ARHGEF11: variants seen among roughly 807,000 people sequenced by gnomAD.
The protein encoded by ARHGEF11 is Rho guanine nucleotide exchange factor 11.
A neutral mutation model predicts 193.7 loss-of-function variants in ARHGEF11; 55 were observed. That is an observed-to-expected ratio of 0.28 (90% CI 0.23 to 0.36). The LOEUF is 0.36. Among genes scored for constraint, ARHGEF11 ranks in the 10% least tolerant of loss-of-function variants. ARHGEF11 has a pLI of 1.00. For synonymous variants in ARHGEF11, 693 were observed against 768.0 expected (o/e 0.90, Z 1.62); for missense variants, 1,723 against 2,005.6 (o/e 0.86, Z 2.69).
chr1:156,969,863 C>T, intron 9 of ARHGEF11, 135 bp downstream of exon 9: 1 of 860,312 alleles, frequency 1.2e-6, no homozygotes, highest in Non-Finnish European at 1.9e-6. Flanking sequence ...GTACTGCTTT[C>T]TCCCATTATT....
chr1:157,042,267 C>A (rs918180969), intron 1 of ARHGEF11, among the ~76,000 whole-genome samples: 1 of 152,060 alleles, frequency 6.6e-6, no homozygotes, highest in Admixed American at 6.5e-5. Context: ...CAAGACTGAA[C>A]CCCCAAGGTA....
intron 1 of ARHGEF11, among the ~76,000 whole-genome samples, chr1:157,013,762 TACATTTGGTCTCACC>T (rs1023363425): frequency 6.6e-6 from 1 of 152,202 alleles, no homozygotes; most frequent in Admixed American, 6.5e-5. Flanking sequence ...TTTCCTCTCA[TACATTTGGTCTCACC>T]ACATTTGCTC....
chr1:156,996,831 C>G (rs1666578234), intron 1 of ARHGEF11, among the ~76,000 whole-genome samples: 1 of 144,972 alleles, frequency 6.9e-6, no homozygotes, highest in African/African-American at 2.5e-5. Context: ...CACTTACTAG[C>G]TGGCTGAGCT....
chr1:156,974,732 C>T (rs1368159061), intron 7 of ARHGEF11, among the ~76,000 whole-genome samples: 2 of 152,188 alleles, frequency 1.3e-5, no homozygotes, highest in African/African-American at 2.4e-5. Flanking sequence ...CTGCATATTT[C>T]GGACACTCCA....
Position 156,955,733 on chromosome 1 carries a change from T to C in ARHGEF11, c.1738A>G (p.Ile580Val). ...DKKRNPILKY[I>V]GKPKSSSQST... is the part of the protein sequence containing the mutation. ...TGAGAAGAGCTTTTGGGCTTCCCAA[T>C]GTATTTGAGGATAGGGTTTCGCTTC... The change falls in exon 20 of 41, where the codon ATT (isoleucine) becomes GTT (valine). Residue 580 changes from isoleucine (I) to valine (V), a missense_variant. Ile to Val is a conservative substitution (Grantham distance 29). Coordinates refer to ENST00000368194, the MANE Select transcript of ARHGEF11 (RefSeq NM_198236.3). 1.2e-6 allele frequency: 2 copies of C among 1,614,172 alleles called. No individual in the cohort carries two copies. The highest frequency in any genetic ancestry group is 1.1e-5 in the South Asian group (1 of 91,080).
chr1:157,046,060 C>T (rs1324315145), upstream of ARHGEF11, among the ~76,000 whole-genome samples: 1 of 151,198 alleles, frequency 6.6e-6, no homozygotes, highest in Non-Finnish European at 1.5e-5. Context: ...GCGCGCCCTG[C>T]CCCCCACAAC....
At chr1:156,996,772 C>CAAAAAAAAAAA (rs66730438) in intron 1 of ARHGEF11, among the ~76,000 whole-genome samples, 3 of 38,642 alleles carry the variant, frequency 7.8e-5, no homozygotes, top group African/African-American at 2.3e-4. Flanking sequence ...GACTCTGTCT[C>CAAAAAAAAAAA]AAAAAAAAAA....
At chr1:156,966,462 T>A (rs1303257416) in intron 11 of ARHGEF11, among the ~76,000 whole-genome samples, 1 of 152,262 alleles carries the variant, frequency 6.6e-6, no homozygotes, top group Non-Finnish European at 1.5e-5. Flanking sequence ...TTAAAACAGA[T>A]GCTGCTCATG....
chr1:157,020,341 A>C lies in ARHGEF11; in HGVS notation c.32+23958T>G, dbSNP rs570555218. Among the ~76,000 whole-genome samples the C allele has an allele frequency of 2.6e-4, 39 of 152,302 alleles. 1 individual carries two copies. In the South Asian group the frequency reaches 8.1e-3, roughly 32 times the overall value. On this transcript the variant is annotated intron_variant, in intron 1 of 40. Coordinates refer to ENST00000368194, the MANE Select transcript of ARHGEF11 (RefSeq NM_198236.3). ...ATTAAAAGAAAAAACAGCATTAAGA[A>C]AAAAAATTATTCTGGGTCCATATTA...
intron 10 of ARHGEF11, 138 bp from the exon 11 acceptor site, chr1:156,968,262 T>A: frequency 1.1e-6 from 1 of 909,428 alleles, no homozygotes; most frequent in Non-Finnish European, 1.6e-6. Flanking sequence ...TGCCTGGTAT[T>A]ATACTAAGCC....
rs1658249800 is a variant in ARHGEF11 at position 156,946,961 on chromosome 1, T to G, written c.2543A>C (p.Glu848Ala). ...KLREEGPIIK[E>A]ISDLMLARFD... ...CCGGGCCAGCATGAGGTCACTGATC[T>G]CTTTGATGATGGGGCCTTCCTCCCG... Residue 848 changes from glutamate to alanine, a missense_variant, in exon 27 of 41, where the codon GAG becomes GCG. Around this residue, in one of 5 missense-constraint regions of ARHGEF11, gnomAD observed 491 missense variants for 654.5 expected, o/e 0.75. Transcript: ENST00000368194. 6.2e-7 allele frequency: 1 copy of G among 1,614,064 alleles called. No individual in the cohort carries two copies. The highest frequency in any genetic ancestry group is 8.5e-7 in the Non-Finnish European group (1 of 1,180,020).
At chr1:156,979,946 C>T (rs577634745) in intron 4 of ARHGEF11, among the ~76,000 whole-genome samples, 1 of 152,344 alleles carries the variant, frequency 6.6e-6, no homozygotes, top group Admixed American at 6.5e-5. Context: ...ACTAAGAAGT[C>T]TCTGCATCTA....
rs560271723 is a variant in ARHGEF11, at chr1:157,044,689, T to C, written c.-359A>G. 12 of 429,344 alleles carry C rather than the reference T, an allele frequency of 2.8e-5. No individual in the cohort carries two copies. Among genetic ancestry groups the C allele is most frequent in the African/African-American group, 1.2e-4 (6 of 49,272 alleles). The allele number at this position is 429,344 out of a possible 1,614,324, so 26.6% of individuals were successfully genotyped here. On this transcript the variant is annotated 5_prime_UTR_variant, in exon 1 of 41. Coordinates refer to ENST00000368194, the MANE Select transcript of ARHGEF11 (RefSeq NM_198236.3). Reference sequence around the variant, plus strand: ...CAAAAAAAAATGAATCACAGAAAAATGTGCCTTCAAAATATCACTGTTAAC... The same window carrying C: ...CAAAAAAAAATGAATCACAGAAAAACGTGCCTTCAAAATATCACTGTTAAC...
At position 157,017,089 on chromosome 1, in the gene ARHGEF11, A is replaced by G. The variant is rs149079244; in HGVS notation, c.32+27210T>C. 1.1e-4 allele frequency among the ~76,000 whole-genome samples: 16 copies of G among 152,356 alleles called. No homozygotes were observed. In the East Asian group the frequency reaches 3.1e-3, roughly 29 times the overall value. On this transcript the variant is annotated intron_variant, in intron 1 of 40. Transcript: ENST00000368194. The stretch of plus-strand genomic sequence containing the variant: ...GATGTATTCCTTTCAGGCTCCCCAT[A>G]ATAATAAAGCAAATATGGACAATCA...
At chr1:156,978,652 CTT>C (rs1371713967) in intron 5 of ARHGEF11, among the ~76,000 whole-genome samples, 3 of 152,340 alleles carry the variant, frequency 2.0e-5, no homozygotes, top group South Asian at 2.1e-4. Flanking sequence ...TCAGCAGCCT[CTT>C]GTTTCCCCCT....
intron 7 of ARHGEF11, among the ~76,000 whole-genome samples, chr1:156,976,278 C>T (rs886428733): frequency 5.3e-5 from 8 of 152,076 alleles, no homozygotes; most frequent in Non-Finnish European, 1.2e-4. Context: ...TCTTCAAGGC[C>T]CAGCTGAAAT....
intron 16 of ARHGEF11, 90 bp from the exon 17 acceptor site, chr1:156,958,954 A>G: frequency 6.2e-7 from 1 of 1,600,798 alleles, no homozygotes; most frequent in Non-Finnish European, 8.6e-7. Context: ...CACATATAAC[A>G]AGAGATATGT....
At chr1:157,006,831 C>G (rs1161723485) in intron 1 of ARHGEF11, among the ~76,000 whole-genome samples, 1 of 152,230 alleles carries the variant, frequency 6.6e-6, no homozygotes, top group Non-Finnish European at 1.5e-5. Flanking sequence ...TGCCAGGAGC[C>G]TGAGCCAGAA....
chr1:157,039,487 T>C lies in ARHGEF11; in HGVS notation c.32+4812A>G, dbSNP rs564018186. Among the ~76,000 whole-genome samples the C allele has an allele frequency of 3.3e-5, 5 of 152,316 alleles. No homozygotes were observed. The East Asian group carries it at 5.8e-4, about 18-fold the overall frequency. On this transcript the variant is annotated intron_variant, in intron 1 of 40. Coordinates refer to ENST00000368194, the MANE Select transcript of ARHGEF11 (RefSeq NM_198236.3). ...ACCTCCTTTCACAAAAGATCTAACA[T>C]GACTTTTTATGAAGTTATACTTTTT...
Sources: allele counts gnomAD v4.1 joint callset (sites outside exome capture counted in the v4.1 genomes callset), GRCh38; gene constraint gnomAD v4.1.1; regional missense constraint gnomAD v4.1.1; transcripts MANE v1.5; gene names NCBI Gene and HGNC (gene_info 2026-07-23, HGNC 2026-07-21).